FGD3: variants seen among roughly 807,000 people sequenced by gnomAD.
FGD3 encodes the protein FYVE, RhoGEF and PH domain-containing protein 3.
A neutral mutation model predicts 71.8 loss-of-function variants in FGD3; 45 were observed. That is an observed-to-expected ratio of 0.63 (90% CI 0.49 to 0.80). The LOEUF is 0.80. FGD3 is among the 30% of genes least tolerant of loss of function. FGD3 has a pLI of 0.00. For missense variants in FGD3, 844 were observed against 951.5 expected (o/e 0.89, Z 1.49); for synonymous variants, 378 against 392.8 (o/e 0.96, Z 0.44).
chr9:93,032,901 C>T, intron 16 of FGD3, 28 bp downstream of exon 16: 1 of 1,601,372 alleles, frequency 6.2e-7, no homozygotes, highest in Middle Eastern at 1.7e-4. Flanking sequence ...CTGCTCCCCT[C>T]CTGGTGGCGC....
chr9:92,991,482 G>T (rs1249990061), intron 3 of FGD3, among the ~76,000 whole-genome samples: 1 of 152,042 alleles, frequency 6.6e-6, no homozygotes, highest in Non-Finnish European at 1.5e-5. Flanking sequence ...TCTTGTTGTT[G>T]ATGTCTAGTT....
rs553749239 is a variant in FGD3 at position 93,026,983 on chromosome 9, C to T, written c.1558-2891C>T. Among the ~76,000 whole-genome samples the T allele has an allele frequency of 9.8e-5, 15 of 152,350 alleles. No individual in the cohort carries two copies. The South Asian group carries it at 1.9e-3, about 19-fold the overall frequency. On this transcript the variant is annotated intron_variant, in intron 14 of 17. Coordinates refer to ENST00000375482, the MANE Select transcript of FGD3 (RefSeq NM_001083536.2). ...GCCCACCTGGAGAAGAGGTTTTTGC[C>T]GCCAGGTCAGTGATGCCCATTCCCC...
At chr9:93,023,418 T>TA (rs1401980351) in intron 14 of FGD3, among the ~76,000 whole-genome samples, 2 of 152,112 alleles carry the variant, frequency 1.3e-5, no homozygotes, top group Non-Finnish European at 2.9e-5. Flanking sequence ...GGCTTGCACA[T>TA]ACATCCCAAC....
intron 10 of FGD3, among the ~76,000 whole-genome samples, chr9:93,016,226 G>A (rs886476297): frequency 4.6e-5 from 7 of 152,126 alleles, no homozygotes; most frequent in African/African-American, 7.2e-5. Flanking sequence ...TGGGGCGGGG[G>A]CCGGCTTCCC....
At chr9:92,987,142 A>G (rs1860216517) in intron 3 of FGD3, among the ~76,000 whole-genome samples, 1 of 152,208 alleles carries the variant, frequency 6.6e-6, no homozygotes, top group African/African-American at 2.4e-5. Context: ...TAGTTGAAAA[A>G]GCAGAGGAGG....
intron 1 of FGD3, among the ~76,000 whole-genome samples, chr9:92,954,616 C>T (rs1306517701): frequency 1.3e-5 from 2 of 152,202 alleles, no homozygotes; most frequent in African/African-American, 4.8e-5. Flanking sequence ...TCCTCAGGGG[C>T]CATCTCCCAA....
intron 17 of FGD3, 130 bp downstream of exon 17, chr9:93,034,811 C>A: frequency 9.2e-7 from 1 of 1,089,568 alleles, no homozygotes; most frequent in Non-Finnish European, 1.3e-6. Context: ...GCCTCAGTTT[C>A]CCCGGCAGCG....
At chr9:92,959,434 G>T (rs1000533327) in intron 1 of FGD3, among the ~76,000 whole-genome samples, 3 of 151,956 alleles carry the variant, frequency 2.0e-5, no homozygotes, top group Non-Finnish European at 2.9e-5. Context: ...AAGGCTCGGT[G>T]GGTGGCTCAT....
Position 92,976,445 on chromosome 9 carries a change from A to G in FGD3, c.189A>G (p.Gly63=). 1.2e-6 allele frequency: 2 copies of G among 1,611,900 alleles called. No homozygotes were observed. Among genetic ancestry groups the G allele is most frequent in the Non-Finnish European group, 1.7e-6 (2 of 1,179,412 alleles). Residue 63 remains glycine (G), a synonymous_variant, in exon 3 of 18, where the codon GGA becomes GGG. Transcript: ENST00000375482. ...GCTCTCCAGACATAGGCCCCACGGGAGAGCTGAGTGGTAGCTTAAAGATCC... is the reference window on the plus strand; with the variant it reads ...GCTCTCCAGACATAGGCCCCACGGGGGAGCTGAGTGGTAGCTTAAAGATCC... ...GDGSPDIGPT[G]ELSGSLKIPN... is the part of the protein sequence containing the mutation.
chr9:92,958,495 T>A (rs1859106904), intron 1 of FGD3, among the ~76,000 whole-genome samples: 1 of 152,228 alleles, frequency 6.6e-6, no homozygotes, highest in Admixed American at 6.5e-5. Flanking sequence ...TATATGTGGC[T>A]GGCCTTTTCA....
rs576305111 is a variant in FGD3, at chr9:93,010,308, C to T, written c.900C>T (p.Val300=). 1.4e-5 allele frequency: 22 copies of T among 1,613,426 alleles called. No individual in the cohort carries two copies. The highest frequency in any genetic ancestry group is 1.8e-5 in the Non-Finnish European group (21 of 1,179,582). Residue 300 remains valine (V), a synonymous_variant, in exon 7 of 18, where the codon GTC becomes GTT. Transcript: ENST00000375482. Reference sequence around the variant, plus strand: ...ACATGCTGGAGCCCGTGCAGAGGGTCCCCCGGTACGAGCTGCTGCTCAAGG... The same window carrying T: ...ACATGCTGGAGCCCGTGCAGAGGGTTCCCCGGTACGAGCTGCTGCTCAAGG... ...QHHMLEPVQR[V]PRYELLLKDY...
At chr9:93,035,135 G>A (rs565986511) in intron 17 of FGD3, among the ~76,000 whole-genome samples, 4 of 152,280 alleles carry the variant, frequency 2.6e-5, no homozygotes, top group East Asian at 3.9e-4. Flanking sequence ...TATCTCCCTC[G>A]GGAAGAACCA....
intron 1 of FGD3, among the ~76,000 whole-genome samples, chr9:92,974,934 G>A (rs868491989): frequency 9.2e-5 from 14 of 152,328 alleles, no homozygotes; most frequent in Middle Eastern, 6.8e-3. Context: ...CCCCTGGGCC[G>A]CAGGATGCTG....
intron 3 of FGD3, among the ~76,000 whole-genome samples, chr9:92,980,916 A>G (rs1434615337): frequency 1.3e-5 from 2 of 150,596 alleles, no homozygotes; most frequent in Non-Finnish European, 3.0e-5. Flanking sequence ...GGTTGCAGTG[A>G]GCCTAGATCC....
chr9:93,016,558 G>A (rs34938286), intron 10 of FGD3, among the ~76,000 whole-genome samples: 11,759 of 150,582 alleles, frequency 0.078, 639 homozygotes, highest in Non-Finnish European at 0.12. Flanking sequence ...GGCTGGTCTC[G>A]AACTCCTGAC....
chr9:92,982,047 T>C (rs1408905090), intron 3 of FGD3, among the ~76,000 whole-genome samples: 1 of 152,226 alleles, frequency 6.6e-6, no homozygotes, highest in African/African-American at 2.4e-5. Context: ...TTAACAATAG[T>C]CCTTCTACAG....
intron 1 of FGD3, among the ~76,000 whole-genome samples, chr9:92,961,101 C>A (rs1859159803): frequency 6.6e-6 from 1 of 152,114 alleles, no homozygotes; most frequent in Admixed American, 6.5e-5. Context: ...CACACAGGCC[C>A]CTCTGGGTCC....
intron 1 of FGD3, among the ~76,000 whole-genome samples, chr9:92,958,877 GAAAATCT>G (rs1859114000): frequency 4.6e-5 from 7 of 152,316 alleles, no homozygotes; most frequent in Admixed American, 4.6e-4. Flanking sequence ...ACAAATGAAT[GAAAATCT>G]ATTAGTTCAT....
chr9:93,008,693 G>T (rs1861169724), intron 6 of FGD3, among the ~76,000 whole-genome samples: 1 of 152,214 alleles, frequency 6.6e-6, no homozygotes, highest in South Asian at 2.1e-4. Flanking sequence ...GCCGCTTGTG[G>T]TAGCTCACGC....
Sources: allele counts gnomAD v4.1 joint callset (sites outside exome capture counted in the v4.1 genomes callset), GRCh38; gene constraint gnomAD v4.1.1; transcripts MANE v1.5; gene names NCBI Gene and HGNC (gene_info 2026-07-23, HGNC 2026-07-21).